PLB1: variants seen among roughly 807,000 people sequenced by gnomAD.
PLB1 encodes phospholipase B1, also known as phospholipase B1, membrane-associated.
In PLB1, 242 loss-of-function variants were observed where a neutral mutation model predicts 227.4. The ratio of observed to expected loss-of-function variants is 1.06; its 90% CI spans 0.96 to 1.18. The LOEUF (loss-of-function observed/expected upper bound fraction) is 1.18, where lower values mean the gene tolerates loss of function less well. Ranked by LOEUF, PLB1 falls within the 50% of genes most tolerant of loss-of-function variation. The pLI, the probability that PLB1 is intolerant of heterozygous loss-of-function variation, is 0.00. For synonymous variants in PLB1, 757 were observed against 682.2 expected, an observed-to-expected ratio of 1.11 and a Z score of -1.71; for missense variants, 1,858 against 1,816.3, an observed-to-expected ratio of 1.02 and a Z score of -0.42.
intron 44 of PLB1, among the ~76,000 whole-genome samples, chr2:28,615,622 C>T (rs188351135): frequency 3.2e-4 from 48 of 152,346 alleles, no homozygotes; most frequent in African/African-American, 7.7e-4. Context: ...GAGGCTTGTC[C>T]TCATTGAACC....
chr2:28,548,958 C>G lies in PLB1; in HGVS notation c.1008+27C>G, dbSNP rs185895091. 5,218 of 1,610,366 alleles carry G rather than the reference C, an allele frequency of 3.2e-3. 20 individuals carry two copies. The highest frequency in any genetic ancestry group is 3.9e-3 in the Non-Finnish European group (4,552 of 1,176,790). Reference sequence around the variant, plus strand: ...TAGGAGGGACTGGGCAGAGGAGGGACTCTTATTGAATCGAGGGCGCAGGTG... The same window carrying G: ...TAGGAGGGACTGGGCAGAGGAGGGAGTCTTATTGAATCGAGGGCGCAGGTG... On this transcript the variant is annotated intron_variant, in intron 15 of 57. Coordinates refer to ENST00000327757, the MANE Select transcript of PLB1 (RefSeq NM_153021.5).
intron 18 of PLB1, among the ~76,000 whole-genome samples, chr2:28,564,381 C>T (rs545692229): frequency 1.8e-4 from 27 of 152,320 alleles, no homozygotes; most frequent in African/African-American, 6.3e-4. Context: ...TGGCAGCCTC[C>T]TCCGTGGCCC....
At chr2:28,589,902 T>C in intron 28 of PLB1, 103 bp from the exon 29 acceptor site, 2 of 1,358,270 alleles carry the variant, frequency 1.5e-6, no homozygotes, top group East Asian at 4.6e-5. Flanking sequence ...ACAAACCCCA[T>C]CTCCTTCATC....
chr2:28,583,487 G>T (rs189108395), intron 25 of PLB1, among the ~76,000 whole-genome samples: 1 of 151,990 alleles, frequency 6.6e-6, no homozygotes, highest in South Asian at 2.1e-4. Context: ...GCCTGGCCCC[G>T]AATCCAAAAC....
intron 23 of PLB1, among the ~76,000 whole-genome samples, chr2:28,580,579 T>C (rs1299482368): frequency 1.3e-5 from 2 of 152,138 alleles, no homozygotes; most frequent in Non-Finnish European, 2.9e-5. Context: ...CTGGTTGTGA[T>C]GGCAAGTGCT....
At position 28,643,472 on chromosome 2, in the gene PLB1, T is replaced by G. The variant is rs1558989769; in HGVS notation, c.*411T>G. The G allele has an allele frequency of 6.0e-6, 1 of 167,716 alleles. No individual in the cohort carries two copies. Among genetic ancestry groups the G allele is most frequent in the East Asian group, 1.6e-4 (1 of 6,176 alleles). The allele number at this position is 167,716 out of a possible 1,614,324, so 10.4% of individuals were successfully genotyped here. A position where few individuals can be genotyped will look rare whatever the true frequency, so the allele number is the denominator to read the frequency against. On this transcript the variant is annotated 3_prime_UTR_variant, in exon 58 of 58. Coordinates refer to ENST00000327757, the MANE Select transcript of PLB1 (RefSeq NM_153021.5). The stretch of plus-strand genomic sequence containing the variant: ...AGAAAAAATGCTGGTCACCAGGTGG[T>G]GGCTGGAATTTTGGAGCTGGCTGGT...
chr2:28,514,722 A>G (rs1416597334), intron 1 of PLB1, among the ~76,000 whole-genome samples: 2 of 152,236 alleles, frequency 1.3e-5, no homozygotes, highest in Non-Finnish European at 2.9e-5. Context: ...GACCTTGGGC[A>G]TGTGGCTTAC....
intron 51 of PLB1, 127 bp downstream of exon 51, chr2:28,626,635 C>T: frequency 1.2e-6 from 1 of 802,936 alleles, no homozygotes; most frequent in Non-Finnish European, 2.1e-6. Context: ...TGCCTGCTGC[C>T]CCAGGCCCTC....
rs574879493 is a variant in PLB1, at chr2:28,523,414, C to G, written c.244-1853C>G. 1.1e-3 allele frequency among the ~76,000 whole-genome samples: 156 copies of G among 137,442 alleles called. 1 individual carries two copies. Among genetic ancestry groups the G allele is most frequent in the African/African-American group, 4.0e-3 (150 of 37,300 alleles). The allele number at this position is 137,442 out of a possible 152,430, so 90.2% of individuals were successfully genotyped here. ...CCAAGGAGGTTACAATTCACTCTATCAAATTCCTTGAGGGTAGAGCCTGTG... is the reference window on the plus strand; with the variant it reads ...CCAAGGAGGTTACAATTCACTCTATGAAATTCCTTGAGGGTAGAGCCTGTG... On this transcript the variant is annotated intron_variant, in intron 4 of 57. Transcript: ENST00000327757.
intron 6 of PLB1, among the ~76,000 whole-genome samples, chr2:28,527,554 G>A (rs755226253): frequency 2.0e-5 from 3 of 152,314 alleles, no homozygotes; most frequent in Admixed American, 6.5e-5. Context: ...ATCTCCAAAC[G>A]TAGCCATGCC....
Position 28,575,424 on chromosome 2 carries a change from CAT to C in PLB1, c.1433+2120_1433+2121del, listed in dbSNP as rs1447674008. On this transcript the variant is annotated intron_variant, in intron 21 of 57. Coordinates refer to ENST00000327757, the MANE Select transcript of PLB1 (RefSeq NM_153021.5). ...ACACTACCATGTGGTTCCTAGGACTCATGTGGTTTGGTTCCTAGATTTCCTGA... is the reference window on the plus strand; with the variant it reads ...ACACTACCATGTGGTTCCTAGGACTCGTGGTTTGGTTCCTAGATTTCCTGA... Among the ~76,000 whole-genome samples, 10 of 152,256 alleles carry C rather than the reference CAT, an allele frequency of 6.6e-5. No individual in the cohort carries two copies. The South Asian group carries it at 2.1e-3, about 32-fold the overall frequency.
At chr2:28,536,628 C>A (rs1054557891) in intron 9 of PLB1, among the ~76,000 whole-genome samples, 1 of 152,138 alleles carries the variant, frequency 6.6e-6, no homozygotes, top group Admixed American at 6.5e-5. Context: ...GTCTCAGGCA[C>A]GTGTTTGATA....
intron 17 of PLB1, among the ~76,000 whole-genome samples, chr2:28,554,489 CTTTTTTTTTTTTTTTT>C (rs536476788): frequency 1.5e-4 from 13 of 85,470 alleles, no homozygotes; most frequent in East Asian, 1.4e-3. Flanking sequence ...CCACACCTGC[CTTTTTTTTTTTTTTTT>C]TTTTTTTTTT....
At chr2:28,564,221 A>AGAG (rs1676499537) in intron 18 of PLB1, among the ~76,000 whole-genome samples, 1 of 152,202 alleles carries the variant, frequency 6.6e-6, no homozygotes, top group Non-Finnish European at 1.5e-5. Context: ...CAGGCTGGAC[A>AGAG]ACAGAGCAAG....
chr2:28,561,600 G>A (rs1281726918), intron 17 of PLB1, among the ~76,000 whole-genome samples: 1 of 152,206 alleles, frequency 6.6e-6, no homozygotes, highest in African/African-American at 2.4e-5. Flanking sequence ...CAATAAAAAG[G>A]AATGAAGTGG....
intron 44 of PLB1, among the ~76,000 whole-genome samples, chr2:28,614,375 C>T (rs1187376507): frequency 6.6e-6 from 1 of 152,172 alleles, no homozygotes; most frequent in Non-Finnish European, 1.5e-5. Context: ...GACGTGGTTA[C>T]TGCTTAGGCA....
chr2:28,617,770 A>G lies in PLB1; in HGVS notation c.3239A>G (p.Asn1080Ser), dbSNP rs770654548. ...CTGTGTACAGAGTGGAAGGCTTCCA[A>G]TAGTGTTCCAACCTCTGGTGAGTGA... is the stretch of plus-strand genomic sequence containing the variant. ...DFLCTEWKAS[N>S]SVPTSVHQLR... The change falls in exon 45 of 58, where the codon AAT becomes AGT. Residue 1080 changes from asparagine (N) to serine (S), a missense_variant. Physicochemically the swap from Asn to Ser is conservative, Grantham distance 46 (BLOSUM62 1). Coordinates refer to ENST00000327757, the MANE Select transcript of PLB1 (RefSeq NM_153021.5). 1.5e-5 allele frequency: 25 copies of G among 1,614,080 alleles called. No homozygotes were observed. The highest frequency in any genetic ancestry group is 2.1e-5 in the Non-Finnish European group (25 of 1,179,896).
rs892393873 is a variant in PLB1, at chr2:28,604,183, T to C, written c.2856+136T>C. The C allele has an allele frequency of 1.2e-5, 9 of 768,892 alleles. No individual in the cohort carries two copies. The African/African-American group carries it at 1.2e-4, about 10-fold the overall frequency. 47.6% of individuals were successfully genotyped at this position (768,892 alleles called of 1,614,324 possible). A position where few individuals can be genotyped will look rare whatever the true frequency, so the allele number is the denominator to read the frequency against. On this transcript the variant is annotated intron_variant, in intron 40 of 57. Coordinates refer to ENST00000327757, the MANE Select transcript of PLB1 (RefSeq NM_153021.5). ...GTGGGGAGACGGGGAGCAGCCTGGG[T>C]GCCTTCCTCTGTCTCACGTGACTGT...
In PLB1 at chr2:28,497,235, C is replaced by T. The variant is rs550491944; in HGVS notation, c.55+1066C>T. 2.0e-4 allele frequency among the ~76,000 whole-genome samples: 30 copies of T among 152,184 alleles called. No homozygotes were observed. In the South Asian group the frequency reaches 4.4e-3, roughly 22 times the overall value. ...TTACATATATGACAAATATCTTGTTCCACTCTGAAGCTTGTCCTCCTATGG... is the reference window on the plus strand; with the variant it reads ...TTACATATATGACAAATATCTTGTTTCACTCTGAAGCTTGTCCTCCTATGG... On this transcript the variant is annotated intron_variant, in intron 1 of 57. Transcript: ENST00000327757.
Sources: allele counts gnomAD v4.1 joint callset (sites outside exome capture counted in the v4.1 genomes callset), GRCh38; gene constraint gnomAD v4.1.1; transcripts MANE v1.5; gene names NCBI Gene and HGNC (gene_info 2026-07-23, HGNC 2026-07-21).